Variants in SOBP observed in about 807,000 individuals in gnomAD.
SOBP encodes sine oculis-binding protein homolog.
SOBP carries 4 observed loss-of-function variants against 53.6 expected under a neutral mutation model. The observed-to-expected ratio is 0.07, with a 90% CI of 0.04 to 0.17. SOBP has a LOEUF of 0.17. SOBP is among the 10% of genes least tolerant of loss of function. The pLI, the probability that SOBP is intolerant of heterozygous loss-of-function variation, is 1.00. For missense variants in SOBP, 1,088 were observed against 1,204.7 expected (o/e 0.90, Z 1.43); for synonymous variants, 584 against 522.6 (o/e 1.12, Z -1.60).
chr6:107,633,212 G>T (rs1025208459), intron 5 of SOBP, among the ~76,000 whole-genome samples: 9 of 152,108 alleles, frequency 5.9e-5, no homozygotes, highest in African/African-American at 1.9e-4. Context: ...CAGGTACATT[G>T]GACAGGTATA....
chr6:107,649,429 A>G lies in SOBP; in HGVS notation c.*4-8778A>G, dbSNP rs145130295. Among the ~76,000 whole-genome samples the G allele has an allele frequency of 1.5e-4, 23 of 151,962 alleles. No individual in the cohort carries two copies. In the East Asian group the frequency reaches 4.5e-3, roughly 30 times the overall value. On this transcript the variant is annotated intron_variant, in intron 6 of 6. Coordinates refer to ENST00000317357, the MANE Select transcript of SOBP (RefSeq NM_018013.4). ...GAGGTTGAGGCTGCAGTGAGCCATG[A>G]TGGTGCCACTGCACTCCAACCTGGG...
At chr6:107,549,000 G>T (rs1784386876) in intron 4 of SOBP, among the ~76,000 whole-genome samples, 1 of 152,116 alleles carries the variant, frequency 6.6e-6, no homozygotes, top group South Asian at 2.1e-4. Flanking sequence ...GGGCGCAGTG[G>T]CTCAAGCCTG....
intron 4 of SOBP, among the ~76,000 whole-genome samples, chr6:107,560,114 TCTC>T (rs1443604299): frequency 6.6e-6 from 1 of 152,156 alleles, no homozygotes; most frequent in Non-Finnish European, 1.5e-5. Flanking sequence ...CATTCTTTTC[TCTC>T]CTCTAGTTTG....
chr6:107,579,118 G>A (rs1374861623), intron 4 of SOBP, among the ~76,000 whole-genome samples: 1 of 152,148 alleles, frequency 6.6e-6, no homozygotes, highest in Non-Finnish European at 1.5e-5. Flanking sequence ...TGTGTCCCTG[G>A]GTAATAGATG....
chr6:107,639,426 C>CA (rs753378350), intron 6 of SOBP, among the ~76,000 whole-genome samples: 94 of 152,172 alleles, frequency 6.2e-4, no homozygotes, highest in Middle Eastern at 6.8e-3. Context: ...TTTCAGTGGA[C>CA]AACTATTTTC....
intron 3 of SOBP, among the ~76,000 whole-genome samples, chr6:107,519,049 A>C (rs991330382): frequency 4.6e-5 from 7 of 150,820 alleles, no homozygotes; most frequent in Non-Finnish European, 1.0e-4. Flanking sequence ...GGCATAAGGC[A>C]TAGATATACC....
At chr6:107,526,570 T>C (rs1409054004) in intron 3 of SOBP, among the ~76,000 whole-genome samples, 3 of 152,164 alleles carry the variant, frequency 2.0e-5, no homozygotes, top group Admixed American at 2.0e-4. Context: ...CTCTCACAAC[T>C]GTCTGAACCT....
chr6:107,513,291 A>T lies in SOBP; in HGVS notation c.421+6864A>T, dbSNP rs533894343. Among the ~76,000 whole-genome samples the T allele has an allele frequency of 3.3e-5, 5 of 152,350 alleles. No individual in the cohort carries two copies. In the East Asian group the frequency reaches 9.6e-4, roughly 29 times the overall value. ...TCCATTATAGTCAGGGAAATATGAT[A>T]TATATTTTCAGGCAAATCTTGAAAT... is the stretch of plus-strand genomic sequence containing the variant. On this transcript the variant is annotated intron_variant, in intron 3 of 6. Coordinates refer to ENST00000317357, the MANE Select transcript of SOBP (RefSeq NM_018013.4).
chr6:107,570,806 A>G (rs1000197169), intron 4 of SOBP, among the ~76,000 whole-genome samples: 5 of 152,246 alleles, frequency 3.3e-5, no homozygotes, highest in Admixed American at 6.5e-5. Context: ...ATCACAATCC[A>G]TTGTAAATAG....
intron 5 of SOBP, among the ~76,000 whole-genome samples, chr6:107,627,874 C>G (rs1770531453): frequency 6.6e-6 from 1 of 152,182 alleles, no homozygotes; most frequent in East Asian, 1.9e-4. Flanking sequence ...TCCAGCTCTG[C>G]AAGAAAAACT....
chr6:107,571,140 A>G (rs1048886415), intron 4 of SOBP, among the ~76,000 whole-genome samples: 4 of 152,150 alleles, frequency 2.6e-5, no homozygotes, highest in African/African-American at 7.2e-5. Flanking sequence ...GTAGAAGATG[A>G]TGTATGTCAC....
intron 4 of SOBP, among the ~76,000 whole-genome samples, chr6:107,563,242 G>A (rs117621821): frequency 0.029 from 4,365 of 152,296 alleles, 100 homozygotes; most frequent in Admixed American, 0.058. Context: ...GGGCAACAGA[G>A]TGAGACCCCA....
intron 3 of SOBP, among the ~76,000 whole-genome samples, chr6:107,511,882 G>A (rs1418527843): frequency 6.6e-6 from 1 of 152,070 alleles, no homozygotes; most frequent in Non-Finnish European, 1.5e-5. Context: ...GTTTGTGACA[G>A]CACAGGCATT....
chr6:107,493,595 G>T (rs1233131933), intron 1 of SOBP, among the ~76,000 whole-genome samples: 1 of 152,154 alleles, frequency 6.6e-6, no homozygotes, highest in Non-Finnish European at 1.5e-5. Flanking sequence ...TCTGTGAGCT[G>T]AAAGAAAAAG....
intron 3 of SOBP, among the ~76,000 whole-genome samples, chr6:107,530,174 T>C (rs973083534): frequency 3.9e-5 from 6 of 152,128 alleles, no homozygotes; most frequent in African/African-American, 1.2e-4. Context: ...GTAAGACAGG[T>C]AATTAGGTTT....
intron 4 of SOBP, among the ~76,000 whole-genome samples, chr6:107,570,269 T>G (rs1343158851): frequency 1.3e-5 from 2 of 152,220 alleles, no homozygotes; most frequent in Admixed American, 6.5e-5. Flanking sequence ...ATGATGAGAT[T>G]TATTTCATGA....
rs1184787226 is a variant in SOBP at position 107,656,287 on chromosome 6, AAAAGAAAGAAAG to A, written c.*4-1874_*4-1863del. Among the ~76,000 whole-genome samples the A allele has an allele frequency of 1.6e-3, 197 of 124,346 alleles. 2 individuals carry two copies. Among genetic ancestry groups the A allele is most frequent in the African/African-American group, 4.5e-3 (142 of 31,568 alleles). The allele number at this position is 124,346 out of a possible 152,430, so 81.6% of individuals were successfully genotyped here. On this transcript the variant is annotated intron_variant, in intron 6 of 6. Coordinates refer to ENST00000317357, the MANE Select transcript of SOBP (RefSeq NM_018013.4). Reference sequence around the variant, plus strand: ...TGTCACTTATTCTTGAGAAAGAAAGAAAAGAAAGAAAGAAAGAAAGAAAGAAAGAAAGAAAGA... The same window carrying A: ...TGTCACTTATTCTTGAGAAAGAAAGAAAAGAAAGAAAGAAAGAAAGAAAGA...
At chr6:107,550,071 T>C (rs1286540065) in intron 4 of SOBP, among the ~76,000 whole-genome samples, 1 of 152,156 alleles carries the variant, frequency 6.6e-6, no homozygotes, top group Non-Finnish European at 1.5e-5. Flanking sequence ...CATTTTGGTC[T>C]TGAGTCCTAA....
At chr6:107,654,688 C>T (rs1583316722) in intron 6 of SOBP, among the ~76,000 whole-genome samples, 1 of 152,334 alleles carries the variant, frequency 6.6e-6, no homozygotes, top group African/African-American at 2.4e-5. Flanking sequence ...AGAATCGAGG[C>T]TCTGAGGGAT....
Sources: allele counts gnomAD v4.1 joint callset (sites outside exome capture counted in the v4.1 genomes callset), GRCh38; gene constraint gnomAD v4.1.1; transcripts MANE v1.5; gene names NCBI Gene and HGNC (gene_info 2026-07-23, HGNC 2026-07-21).